The following LAT2 variants were observed in gnomAD, a reference collection of about 807,000 sequenced individuals.
LAT2 encodes linker for activation of T-cells family member 2.
In LAT2, 23 loss-of-function variants were observed where a neutral mutation model predicts 43.4. The observed-to-expected ratio is 0.53, with a 90% CI of 0.38 to 0.75. The LOEUF (loss-of-function observed/expected upper bound fraction) is 0.75, where lower values mean the gene tolerates loss of function less well. Among genes scored for constraint, LAT2 ranks in the 30% least tolerant of loss-of-function variants. The pLI, the probability that LAT2 is intolerant of heterozygous loss-of-function variation, is 0.00. For missense variants in LAT2, 284 were observed against 310.2 expected (o/e 0.92, Z 0.64); for synonymous variants, 128 against 123.2 (o/e 1.04, Z -0.26).
rs1802225950 is a variant in LAT2 at position 74,220,521 on chromosome 7, C to T, written c.266-63C>T. The T allele has an allele frequency of 1.2e-6, 2 of 1,603,620 alleles. No individual in the cohort carries two copies. The highest frequency in any genetic ancestry group is 2.2e-5 in the South Asian group (2 of 90,610). On this transcript the variant is annotated intron_variant, in intron 7 of 13. Coordinates refer to ENST00000460943, the MANE Select transcript of LAT2 (RefSeq NM_032464.3). This position sits in a 1 kb window ranked among gnomAD's most constrained non-coding sequence, Gnocchi z 4.5. ...TAGCTGGCCCTGCCTTGGGCTGCAG[C>T]ACCCGAGCTGGGTGCAAAGCAGGGG...
chr7:74,217,303 T>C (rs1326493901), intron 4 of LAT2, among the ~76,000 whole-genome samples: 1 of 151,850 alleles, frequency 6.6e-6, no homozygotes, highest in African/African-American at 2.4e-5. Context: ...TGGTGGTGGG[T>C]CCCTCTACTC....
At chr7:74,214,318 G>A (rs1173969173) in intron 1 of LAT2, among the ~76,000 whole-genome samples, 22 of 48,686 alleles carry the variant, frequency 4.5e-4, no homozygotes, top group East Asian at 1.3e-3. Flanking sequence ...ATATATATAT[G>A]AAAATATATA....
intron 4 of LAT2, among the ~76,000 whole-genome samples, chr7:74,217,559 G>A (rs140185827): frequency 2.8e-4 from 42 of 152,352 alleles, no homozygotes; most frequent in African/African-American, 6.3e-4. Flanking sequence ...CAGAGAACCC[G>A]GCACAGGGTG....
Position 74,220,205 on chromosome 7 carries a change from C to T in LAT2, c.228-12C>T, listed in dbSNP as rs781830913. ...GCCCCTCCTTTAACTCCCTCCTTCC[C>T]CCTCCCTGCAGGAAGGACAAGCTGT... On this transcript the variant is annotated splice_polypyrimidine_tract_variant and intron_variant, in intron 6 of 13. Coordinates refer to ENST00000460943, the MANE Select transcript of LAT2 (RefSeq NM_032464.3). The surrounding 1 kb of genome is among the most constrained non-coding windows in gnomAD (Gnocchi z 4.5). The T allele has an allele frequency of 6.2e-7, 1 of 1,604,290 alleles. No homozygotes were observed. Among genetic ancestry groups the T allele is most frequent in the Admixed American group, 1.7e-5 (1 of 59,014 alleles).
At chr7:74,216,951 C>CA in intron 4 of LAT2, 87 bp downstream of exon 4, 1 of 1,139,252 alleles carries the variant, frequency 8.8e-7, no homozygotes, top group South Asian at 1.3e-5. Context: ...CCCCATCCTT[C>CA]ACCCCTTCAC....
rs376579408 is a variant in LAT2 at position 74,220,766 on chromosome 7, C to T, written c.332+32C>T. 1.5e-5 allele frequency: 23 copies of T among 1,493,126 alleles called. No individual in the cohort carries two copies. Among genetic ancestry groups the T allele is most frequent in the South Asian group, 5.2e-5 (4 of 77,180 alleles). 92.5% of individuals were successfully genotyped at this position (1,493,126 alleles called of 1,614,324 possible). On this transcript the variant is annotated intron_variant, in intron 9 of 13. Transcript: ENST00000460943. This position sits in a 1 kb window ranked among gnomAD's most constrained non-coding sequence, Gnocchi z 4.5. ...GACCTTGATCCTGTCCCCCCTGCCT[C>T]GCCTCTCCCCCTGCCCCACCTCTCC... is the stretch of plus-strand genomic sequence containing the variant.
chr7:74,216,335 T>C (rs1802046197), intron 3 of LAT2, among the ~76,000 whole-genome samples: 1 of 152,076 alleles, frequency 6.6e-6, no homozygotes, highest in Non-Finnish European at 1.5e-5. Flanking sequence ...CATCCACTTT[T>C]CTAGCCTCTC....
intron 13 of LAT2, among the ~76,000 whole-genome samples, chr7:74,228,431 A>G (rs1479634022): frequency 1.6e-4 from 22 of 141,082 alleles, no homozygotes; most frequent in Middle Eastern, 4.5e-3. Flanking sequence ...AGCCGAGATC[A>G]CGCCACTGCA....
At chr7:74,227,632 C>A (rs529012416) in intron 13 of LAT2, among the ~76,000 whole-genome samples, 1 of 152,194 alleles carries the variant, frequency 6.6e-6, no homozygotes, top group African/African-American at 2.4e-5. Flanking sequence ...AGGAAGGACC[C>A]AGGCACTGGT....
chr7:74,220,503 C>A lies in LAT2; in HGVS notation c.266-81C>A. The A allele has an allele frequency of 6.4e-7, 1 of 1,564,528 alleles. No homozygotes were observed. The highest frequency in any genetic ancestry group is 8.8e-7 in the Non-Finnish European group (1 of 1,139,198). ...AGGCTCAGACACGGGAAATAGCTGG[C>A]CCTGCCTTGGGCTGCAGCACCCGAG... On this transcript the variant is annotated intron_variant, in intron 7 of 13. Coordinates refer to ENST00000460943, the MANE Select transcript of LAT2 (RefSeq NM_032464.3). This position sits in a 1 kb window ranked among gnomAD's most constrained non-coding sequence, Gnocchi z 4.5.
chr7:74,215,926 C>G, intron 2 of LAT2, 21 bp from the exon 3 acceptor site: 2 of 1,561,156 alleles, frequency 1.3e-6, no homozygotes, highest in Non-Finnish European at 1.8e-6. Context: ...GCCCCTTGCT[C>G]ACGGGCACCT....
rs1802247065 is a variant in LAT2 at position 74,220,885 on chromosome 7, G to A, written c.332+151G>A. The A allele has an allele frequency of 1.5e-6, 1 of 660,710 alleles. No homozygotes were observed. Among genetic ancestry groups the A allele is most frequent in the South Asian group, 2.1e-5 (1 of 47,948 alleles). 40.9% of individuals were successfully genotyped at this position (660,710 alleles called of 1,614,324 possible). ...CTCTTGCACTAGAACGAGGCATCCAGGTTCCCCTCCTTCTCCTGGCAGGCA... is the reference window on the plus strand; with the variant it reads ...CTCTTGCACTAGAACGAGGCATCCAAGTTCCCCTCCTTCTCCTGGCAGGCA... On this transcript the variant is annotated intron_variant, in intron 9 of 13. Coordinates refer to ENST00000460943, the MANE Select transcript of LAT2 (RefSeq NM_032464.3). The surrounding 1 kb of genome is among the most constrained non-coding windows in gnomAD (Gnocchi z 4.5).
intron 1 of LAT2, among the ~76,000 whole-genome samples, chr7:74,210,605 C>G (rs927610670): frequency 2.6e-5 from 4 of 152,052 alleles, no homozygotes; most frequent in South Asian, 4.1e-4. Context: ...GCCCGCCTCC[C>G]TCTCTCCCTC....
chr7:74,223,915 C>A, intron 11 of LAT2, 103 bp from the exon 12 acceptor site: 1 of 1,484,178 alleles, frequency 6.7e-7, no homozygotes. Context: ...CCCCAGGTAC[C>A]TTTCGGTAGA....
intron 13 of LAT2, among the ~76,000 whole-genome samples, chr7:74,227,063 T>G (rs1486161119): frequency 6.7e-6 from 1 of 150,306 alleles, no homozygotes; most frequent in Non-Finnish European, 1.5e-5. Context: ...TTCTTTTTTT[T>G]TTTTTTTCGT....
At chr7:74,223,945 C>G in intron 11 of LAT2, 73 bp from the exon 12 acceptor site, 2 of 1,526,536 alleles carry the variant, frequency 1.3e-6, no homozygotes, top group East Asian at 4.6e-5. Flanking sequence ...CTACTATCCT[C>G]GGAGGCAGCT....
At chr7:74,221,822 A>G (rs528780946) in intron 10 of LAT2, 130 bp downstream of exon 10, 8 of 677,494 alleles carry the variant, frequency 1.2e-5, no homozygotes, top group South Asian at 5.5e-5. Flanking sequence ...GGGTGGACAG[A>G]AGGAGGCTGG....
At chr7:74,219,196 C>G (rs1027821174) in intron 4 of LAT2, among the ~76,000 whole-genome samples, 1 of 151,704 alleles carries the variant, frequency 6.6e-6, no homozygotes, top group African/African-American at 2.4e-5. Context: ...GCCACCGCGC[C>G]CGGCTAATTT....
At chr7:74,223,199 T>C (rs1382223179) in intron 10 of LAT2, among the ~76,000 whole-genome samples, 12 of 151,978 alleles carry the variant, frequency 7.9e-5, no homozygotes, top group South Asian at 4.1e-4. Flanking sequence ...AGAGTGCATA[T>C]GGAGGGGATC....
Sources: gnomAD v4.1 joint callset for allele counts (sites outside exome capture counted in the v4.1 genomes callset) on GRCh38, gnomAD v4.1.1 for gene constraint, Gnocchi (gnomAD v3.1) non-coding constraint, MANE v1.5 for transcripts, NCBI Gene and HGNC (gene_info 2026-07-23, HGNC 2026-07-21) for gene names.